Variants in GBE1 observed in about 807,000 individuals in gnomAD.
The protein encoded by GBE1 is 1,4-alpha-glucan-branching enzyme.
A neutral mutation model predicts 88.8 loss-of-function variants in GBE1; 70 were observed. That is an observed-to-expected ratio of 0.79 (90% CI 0.65 to 0.96). The LOEUF (loss-of-function observed/expected upper bound fraction) is 0.96, where lower values mean the gene tolerates loss of function less well. Ranked by LOEUF, GBE1 falls within the 40% of genes least tolerant of loss-of-function variation. GBE1 has a pLI of 0.00. For synonymous variants in GBE1, 284 were observed against 300.1 expected (o/e 0.95, Z 0.56); for missense variants, 872 against 871.0 (o/e 1.00, Z -0.01).
At position 81,568,269 on chromosome 3, in the gene GBE1, T is replaced by C. The variant is rs933590158; in HGVS notation, c.1618+9656A>G. ...TTCAAGTGATTCTACTGCCTCAGCC[T>C]CCCAAGTAGCTGAGACTACAGGTGC... On this transcript the variant is annotated intron_variant, in intron 12 of 15. Coordinates refer to ENST00000429644, the MANE Select transcript of GBE1 (RefSeq NM_000158.4). Among the ~76,000 whole-genome samples, 4 of 152,036 alleles carry C rather than the reference T, an allele frequency of 2.6e-5. No homozygotes were observed. The South Asian group carries it at 8.3e-4, about 31-fold the overall frequency.
chr3:81,606,042 A>G (rs1339588905), intron 7 of GBE1, among the ~76,000 whole-genome samples: 27 of 152,190 alleles, frequency 1.8e-4, no homozygotes, highest in Admixed American at 1.7e-3. Context: ...CAATTTACAC[A>G]GATATTCTAT....
chr3:81,649,192 T>C (rs565639831), intron 4 of GBE1, among the ~76,000 whole-genome samples: 35 of 152,252 alleles, frequency 2.3e-4, no homozygotes, highest in African/African-American at 7.9e-4. Flanking sequence ...TTTTAAAAGA[T>C]AAATCATGTA....
chr3:81,705,389 G>T, intron 2 of GBE1, 55 bp downstream of exon 2: 1 of 1,191,744 alleles, frequency 8.4e-7, no homozygotes, highest in Non-Finnish European at 1.2e-6. Context: ...AGAAATATAT[G>T]TATTAAATAG....
At chr3:81,596,784 C>T (rs906635210) in intron 7 of GBE1, among the ~76,000 whole-genome samples, 2 of 151,926 alleles carry the variant, frequency 1.3e-5, no homozygotes, top group African/African-American at 2.4e-5. Context: ...CCCTGTTCTG[C>T]ACCCTACCCT....
At chr3:81,695,310 A>G (rs1418026667) in intron 2 of GBE1, among the ~76,000 whole-genome samples, 1 of 152,242 alleles carries the variant, frequency 6.6e-6, no homozygotes, top group Admixed American at 6.5e-5. Flanking sequence ...GTGTAATTTT[A>G]TTTGGCCATA....
chr3:81,622,846 A>G (rs1704351975), intron 7 of GBE1, among the ~76,000 whole-genome samples: 1 of 152,130 alleles, frequency 6.6e-6, no homozygotes, highest in Admixed American at 6.6e-5. Flanking sequence ...CTTTTTTTAA[A>G]TCAGTTATAC....
At chr3:81,751,519 T>G (rs182390305) in intron 1 of GBE1, among the ~76,000 whole-genome samples, 12 of 152,334 alleles carry the variant, frequency 7.9e-5, no homozygotes, top group African/African-American at 2.9e-4. Context: ...AGCTAACATA[T>G]GCTTCACTAA....
At chr3:81,658,651 A>G (rs139254591) in intron 3 of GBE1, among the ~76,000 whole-genome samples, 1,578 of 152,324 alleles carry the variant, frequency 0.01, 22 homozygotes, top group Non-Finnish European at 0.013. Context: ...CAATTGTAAT[A>G]TGGTTTTCTT....
chr3:81,576,901 T>C (rs1419292948), intron 12 of GBE1, among the ~76,000 whole-genome samples: 1 of 151,892 alleles, frequency 6.6e-6, no homozygotes, highest in Non-Finnish European at 1.5e-5. Flanking sequence ...CAATCTGAGA[T>C]TTCTTACAAA....
chr3:81,510,812 T>C (rs1702716450), intron 14 of GBE1, among the ~76,000 whole-genome samples: 1 of 152,062 alleles, frequency 6.6e-6, no homozygotes, highest in Non-Finnish European at 1.5e-5. Flanking sequence ...AGTTATAAGA[T>C]GAATAAGTTC....
intron 1 of GBE1, among the ~76,000 whole-genome samples, chr3:81,722,896 G>GTGTATATATATATA (rs756121951): frequency 5.9e-5 from 8 of 135,316 alleles, no homozygotes; most frequent in African/African-American, 2.2e-4. Context: ...GTGTGTGTGT[G>GTGTATATATATATA]TATATATATA....
intron 2 of GBE1, among the ~76,000 whole-genome samples, chr3:81,677,554 A>G (rs954526150): frequency 1.3e-5 from 2 of 152,224 alleles, no homozygotes; most frequent in African/African-American, 4.8e-5. Context: ...ACTTGTATCA[A>G]GGAAGAATCT....
intron 7 of GBE1, among the ~76,000 whole-genome samples, chr3:81,614,544 A>C (rs1462576221): frequency 2.0e-5 from 3 of 152,072 alleles, no homozygotes. Flanking sequence ...GAGCCCAGGA[A>C]TTTGAGACTT....
At chr3:81,646,603 GT>G in intron 5 of GBE1, 121 bp from the exon 6 acceptor site, 1 of 611,302 alleles carries the variant, frequency 1.6e-6, no homozygotes, top group Non-Finnish European at 2.8e-6. Context: ...AGCTTTGGTC[GT>G]CTTGAAAAGT....
intron 12 of GBE1, among the ~76,000 whole-genome samples, chr3:81,553,126 T>C (rs1703295438): frequency 6.6e-6 from 1 of 152,200 alleles, no homozygotes; most frequent in African/African-American, 2.4e-5. Flanking sequence ...GAAAGAGCTA[T>C]AAAAAGAATG....
chr3:81,652,850 C>T (rs2107080778), intron 3 of GBE1, among the ~76,000 whole-genome samples: 1 of 152,190 alleles, frequency 6.6e-6, no homozygotes, highest in South Asian at 2.1e-4. Flanking sequence ...CTAAACTTTG[C>T]TCACAAAACT....
At position 81,577,984 on chromosome 3, in the gene GBE1, T is replaced by C; in HGVS notation, c.1559A>G (p.His520Arg). 6.2e-7 allele frequency: 1 copy of C among 1,609,410 alleles called. No homozygotes were observed. ...TPVIDRGIQL[H>R]KMIRLITHGL... ...ATGCGTAATGAGTCGAATCATTTTA[T>C]GAAGCTGTATTCCACGATCAATAAC... Residue 520 changes from histidine (H) to arginine (R), a missense_variant, in exon 12 of 16, where the codon CAT (histidine) becomes CGT (arginine). Physicochemically the swap from His to Arg is conservative, Grantham distance 29. Coordinates refer to ENST00000429644, the MANE Select transcript of GBE1 (RefSeq NM_000158.4).
chr3:81,532,916 C>G (rs1420014422), intron 14 of GBE1, among the ~76,000 whole-genome samples: 1 of 151,954 alleles, frequency 6.6e-6, no homozygotes, highest in African/African-American at 2.4e-5. Flanking sequence ...AAGTCTTTGT[C>G]TTAATCTCGT....
At chr3:81,493,780 CCTG>C (rs1240288532) in intron 15 of GBE1, among the ~76,000 whole-genome samples, 13 of 151,784 alleles carry the variant, frequency 8.6e-5, no homozygotes, top group Admixed American at 6.6e-5. Context: ...AGCTGTTCTG[CCTG>C]CCTCGGCAGG....
Sources: allele counts gnomAD v4.1 joint callset (sites outside exome capture counted in the v4.1 genomes callset), GRCh38; gene constraint gnomAD v4.1.1; transcripts MANE v1.5; gene names NCBI Gene and HGNC (gene_info 2026-07-23, HGNC 2026-07-21).